Variants in OPRM1 observed in about 807,000 individuals in gnomAD.
OPRM1 encodes opioid receptor mu 1, also known as mu-type opioid receptor.
In OPRM1, 27 loss-of-function variants were observed where a neutral mutation model predicts 31.8. The observed-to-expected ratio is 0.85, with a 90% CI of 0.63 to 1.17. The LOEUF (loss-of-function observed/expected upper bound fraction) is 1.17. Among genes scored for constraint, OPRM1 ranks in the 50% most tolerant of loss-of-function variants. OPRM1 has a pLI of 0.00. For synonymous variants in OPRM1, 196 were observed against 189.9 expected (o/e 1.03, Z -0.26); for missense variants, 536 against 511.1 (o/e 1.05, Z -0.47).
At chr6:154,147,032 T>C (rs1798376268) in intron 3 of OPRM1, among the ~76,000 whole-genome samples, 1 of 152,138 alleles carries the variant, frequency 6.6e-6, no homozygotes, top group Non-Finnish European at 1.5e-5. Flanking sequence ...TGGACTTTTG[T>C]ACTCTTCATA....
intron 3 of OPRM1, among the ~76,000 whole-genome samples, chr6:154,105,099 TTCTCCAATTG>T (rs1288243376): frequency 6.6e-6 from 1 of 152,222 alleles, no homozygotes; most frequent in Non-Finnish European, 1.5e-5. Flanking sequence ...GATAAACAAT[TTCTCCAATTG>T]TGTTGTATTA....
At chr6:154,093,194 A>G (rs1792681865) in intron 3 of OPRM1, 1 of 1,282,112 alleles carries the variant, frequency 7.8e-7, no homozygotes, top group Non-Finnish European at 1.1e-6. Context: ...AGGATAAAAT[A>G]TTTTGCTTTG....
rs1046070981 is a variant in OPRM1, at chr6:154,065,096, A to G, written c.291-24730A>G. On this transcript the variant is annotated intron_variant, in intron 1 of 3. Coordinates refer to ENST00000330432, the MANE Select transcript of OPRM1 (RefSeq NM_000914.5). ...CATTGTATGACATCTTAACAGTATTACATTTCCAATCCATGAACATGGGAT... is the reference window on the plus strand; with the variant it reads ...CATTGTATGACATCTTAACAGTATTGCATTTCCAATCCATGAACATGGGAT... 1.6e-4 allele frequency among the ~76,000 whole-genome samples: 25 copies of G among 152,144 alleles called. 1 individual carries two copies. Among genetic ancestry groups the G allele is most frequent in the Admixed American group, 1.2e-3 (19 of 15,264 alleles).
At chr6:154,056,166 C>G (rs1489681290) in intron 1 of OPRM1, among the ~76,000 whole-genome samples, 1 of 151,554 alleles carries the variant, frequency 6.6e-6, no homozygotes, top group Non-Finnish European at 1.5e-5. Context: ...GCTCTGTCAC[C>G]AGGCTGGAGT....
chr6:154,124,140 T>C lies in OPRM1; in HGVS notation c.*5419T>C, dbSNP rs1797454091. ...TGACAGTGGACTAAAGGTACTTTTGTAGCAAGGTACTTTCCACACAATATT... is the reference window on the plus strand; with the variant it reads ...TGACAGTGGACTAAAGGTACTTTTGCAGCAAGGTACTTTCCACACAATATT... On this transcript the variant is annotated 3_prime_UTR_variant, in exon 4 of 4. Coordinates refer to ENST00000330432, the MANE Select transcript of OPRM1 (RefSeq NM_000914.5). 6.6e-6 allele frequency among the ~76,000 whole-genome samples: 1 copy of C among 152,218 alleles called. No individual in the cohort carries two copies. The highest frequency in any genetic ancestry group is 1.5e-5 in the Non-Finnish European group (1 of 68,030).
chr6:154,054,192 A>G (rs1486173330), intron 1 of OPRM1, among the ~76,000 whole-genome samples: 1 of 151,578 alleles, frequency 6.6e-6, no homozygotes, highest in East Asian at 1.9e-4. Context: ...ACACGGTGAA[A>G]CCCCGTCTCT....
intron 1 of OPRM1, among the ~76,000 whole-genome samples, chr6:154,040,803 A>G (rs1303960537): frequency 1.3e-5 from 2 of 152,210 alleles, no homozygotes; most frequent in Admixed American, 1.3e-4. Context: ...TGTTCCCGGT[A>G]TATTTGGCAG....
Position 154,091,091 on chromosome 6 carries a change from C to G in OPRM1, c.783C>G (p.Leu261=). ...TVCYGLMILR[L]KSVRMLSGSK... Reference sequence around the variant, plus strand: ...GCTATGGACTGATGATCTTGCGCCTCAAGAGTGTCCGCATGCTCTCTGGCT... The same window carrying G: ...GCTATGGACTGATGATCTTGCGCCTGAAGAGTGTCCGCATGCTCTCTGGCT... Residue 261 remains leucine, a synonymous_variant, in exon 3 of 4, where the codon CTC becomes CTG. Transcript: ENST00000330432. 6.2e-7 allele frequency: 1 copy of G among 1,614,180 alleles called. No individual in the cohort carries two copies. Among genetic ancestry groups the G allele is most frequent in the East Asian group, 2.2e-5 (1 of 44,892 alleles).
In OPRM1 at chr6:154,091,154, G is replaced by T. The variant is rs1473998431; in HGVS notation, c.846G>T (p.Arg282Ser). Residue 282 changes from arginine to serine, a missense_variant, in exon 3 of 4, where the codon AGG becomes AGT. Arg to Ser is a moderately radical substitution (Grantham distance 110, BLOSUM62 -1). Coordinates refer to ENST00000330432, the MANE Select transcript of OPRM1 (RefSeq NM_000914.5). ...EKDRNLRRIT[R>S]MVLVVVAVFI... The stretch of plus-strand genomic sequence containing the variant: ...ACAGGAATCTTCGAAGGATCACCAG[G>T]ATGGTGCTGGTGGTGGTGGCTGTGT... The T allele has an allele frequency of 1.2e-6, 2 of 1,614,114 alleles. No individual in the cohort carries two copies. Among genetic ancestry groups the T allele is most frequent in the Admixed American group, 1.7e-5 (1 of 60,014 alleles).
At chr6:154,099,311 G>A (rs1405097090) in intron 3 of OPRM1, among the ~76,000 whole-genome samples, 5 of 132,944 alleles carry the variant, frequency 3.8e-5, no homozygotes, top group Non-Finnish European at 8.0e-5. Context: ...AAGGAAGAAA[G>A]GAAGGAAGGA....
rs760566402 is a variant in OPRM1, at chr6:154,039,560, G to GT, written c.16_17insT (p.Ala6ValfsTer10). On this transcript the variant is annotated frameshift_variant, in exon 1 of 4. Transcript: ENST00000330432. LOFTEE classifies it high-confidence loss of function. ...CGTCAGTACCATGGACAGCAGCGCT[G>GT]CCCCCACGAACGCCAGCAATTGCAC... The GT allele has an allele frequency of 5.0e-6, 8 of 1,611,986 alleles. No homozygotes were observed. In the African/African-American group the frequency reaches 1.1e-4, roughly 22 times the overall value.
At chr6:154,184,360 G>A (rs1219790459) in intron 3 of OPRM1, among the ~76,000 whole-genome samples, 2 of 151,968 alleles carry the variant, frequency 1.3e-5, no homozygotes, top group Non-Finnish European at 2.9e-5. Flanking sequence ...ACTAGTAGTA[G>A]TATAATATTC....
upstream of OPRM1, among the ~76,000 whole-genome samples, chr6:154,037,291 T>C (rs965542873): frequency 6.6e-6 from 1 of 151,830 alleles, no homozygotes; most frequent in Non-Finnish European, 1.5e-5. Context: ...TTGGATTGTG[T>C]TTAGGAAATT....
rs145893234 is a variant in OPRM1 at position 154,073,107 on chromosome 6, C to T, written c.291-16719C>T. On this transcript the variant is annotated intron_variant, in intron 1 of 3. Coordinates refer to ENST00000330432, the MANE Select transcript of OPRM1 (RefSeq NM_000914.5). ...ATGGTGGATGACTTTACTCATGAAACATGAACTCAGAAGAAAGGAGGTTCT... is the reference window on the plus strand; with the variant it reads ...ATGGTGGATGACTTTACTCATGAAATATGAACTCAGAAGAAAGGAGGTTCT... Among the ~76,000 whole-genome samples the T allele has an allele frequency of 1.3e-4, 20 of 152,210 alleles. No individual in the cohort carries two copies. In the East Asian group the frequency reaches 3.7e-3, roughly 28 times the overall value.
At chr6:154,057,512 CTTAAT>C (rs1029672774) in intron 1 of OPRM1, among the ~76,000 whole-genome samples, 3 of 152,096 alleles carry the variant, frequency 2.0e-5, no homozygotes, top group Non-Finnish European at 2.9e-5. Flanking sequence ...GTGATAACTT[CTTAAT>C]TTAAGTCTTT....
chr6:154,084,187 A>C (rs1403634663), intron 1 of OPRM1, among the ~76,000 whole-genome samples: 1 of 152,142 alleles, frequency 6.6e-6, no homozygotes, highest in Non-Finnish European at 1.5e-5. Context: ...CTTATTAGAA[A>C]TGTCATTAAC....
chr6:154,102,524 C>G (rs1794988296), intron 3 of OPRM1, among the ~76,000 whole-genome samples: 1 of 152,070 alleles, frequency 6.6e-6, no homozygotes, highest in East Asian at 1.9e-4. Context: ...AATAATGTAC[C>G]AAAAGAGATC....
chr6:154,192,059 C>A (rs981853770), intron 3 of OPRM1, among the ~76,000 whole-genome samples: 1 of 152,038 alleles, frequency 6.6e-6, no homozygotes, highest in Non-Finnish European at 1.5e-5. Context: ...GAATGAATTC[C>A]GGCTGGATAA....
intron 3 of OPRM1, among the ~76,000 whole-genome samples, chr6:154,102,969 A>T (rs914803431): frequency 1.5e-4 from 23 of 151,626 alleles, no homozygotes; most frequent in African/African-American, 5.1e-4. Context: ...AGAGAAAGGC[A>T]CAATTCTTCA....
Sources: allele counts gnomAD v4.1 joint callset (sites outside exome capture counted in the v4.1 genomes callset), GRCh38; gene constraint gnomAD v4.1.1; transcripts MANE v1.5; gene names NCBI Gene and HGNC (gene_info 2026-07-23, HGNC 2026-07-21).